The following VIRMA variants were observed in gnomAD, a reference collection of about 807,000 sequenced individuals.
VIRMA encodes the protein vir like m6A methyltransferase associated.
A neutral mutation model predicts 182.4 loss-of-function variants in VIRMA; 65 were observed. That is an observed-to-expected ratio of 0.36 (90% CI 0.29 to 0.44). The LOEUF is 0.44. Among genes scored for constraint, VIRMA ranks in the 20% least tolerant of loss-of-function variants. The pLI is 1.00. For synonymous variants in VIRMA, 709 were observed against 743.1 expected, an observed-to-expected ratio of 0.95 and a Z score of 0.75; for missense variants, 1,752 against 2,158.1, an observed-to-expected ratio of 0.81 and a Z score of 3.73.
intron 6 of VIRMA, among the ~76,000 whole-genome samples, chr8:94,529,936 G>A (rs577427464): frequency 2.0e-5 from 3 of 151,996 alleles, no homozygotes; most frequent in East Asian, 1.9e-4. Flanking sequence ...CACCACGCCC[G>A]GCCTATTTTT....
At chr8:94,551,024 G>A (rs1156506805) in intron 1 of VIRMA, among the ~76,000 whole-genome samples, 6 of 152,228 alleles carry the variant, frequency 3.9e-5, no homozygotes, top group Admixed American at 2.6e-4. Flanking sequence ...CTGGCCTAAA[G>A]TCTGTAATTC....
At chr8:94,505,369 C>A (rs1003875936) in intron 16 of VIRMA, among the ~76,000 whole-genome samples, 1 of 147,028 alleles carries the variant, frequency 6.8e-6, no homozygotes, top group Non-Finnish European at 1.5e-5. Flanking sequence ...AGCCAGGTAT[C>A]TTCCCTCTTC....
chr8:94,539,980 G>A (rs182738513), intron 2 of VIRMA, among the ~76,000 whole-genome samples: 1 of 152,198 alleles, frequency 6.6e-6, no homozygotes, highest in East Asian at 1.9e-4. Context: ...CCTTGATACT[G>A]GACTTCCCAG....
intron 7 of VIRMA, among the ~76,000 whole-genome samples, chr8:94,527,594 C>T (rs1016609741): frequency 5.9e-5 from 9 of 152,164 alleles, no homozygotes; most frequent in African/African-American, 1.7e-4. Context: ...ACTGGACAAA[C>T]ATTTTAAGCA....
chr8:94,507,691 T>C (rs970801086), intron 15 of VIRMA, among the ~76,000 whole-genome samples: 1 of 151,340 alleles, frequency 6.6e-6, no homozygotes, highest in East Asian at 2.0e-4. Flanking sequence ...GAGGCGGAGG[T>C]TGCACTGAGC....
intron 2 of VIRMA, among the ~76,000 whole-genome samples, chr8:94,538,874 A>G (rs910816955): frequency 6.6e-6 from 1 of 152,004 alleles, no homozygotes; most frequent in Non-Finnish European, 1.5e-5. Context: ...TCAGCCTCCC[A>G]AAGTGCTGGG....
At position 94,526,611 on chromosome 8, in the gene VIRMA, TCA is replaced by T. The variant is rs1329506920; in HGVS notation, c.1631_1632del (p.Val544GlufsTer17). On this transcript the variant is annotated frameshift_variant, in exon 8 of 24. Coordinates refer to ENST00000297591, the MANE Select transcript of VIRMA (RefSeq NM_015496.5). LOFTEE classifies it high-confidence loss of function. ...ATAGCTGAACCAGCAGTAACAACCCTCACAGTCTGATCTAAAAGTATGAGTTC... is the reference window on the plus strand; with the variant it reads ...ATAGCTGAACCAGCAGTAACAACCCTCAGTCTGATCTAAAAGTATGAGTTC... The part of the protein sequence containing the change: ...LLELILLDQT[V>X]RVVTAGSAIL... The T allele has an allele frequency of 1.2e-6, 2 of 1,614,174 alleles. No individual in the cohort carries two copies. The highest frequency in any genetic ancestry group is 1.7e-6 in the Non-Finnish European group (2 of 1,180,028).
At chr8:94,539,202 GTT>G (rs1815456338) in intron 2 of VIRMA, among the ~76,000 whole-genome samples, 1 of 151,672 alleles carries the variant, frequency 6.6e-6, no homozygotes, top group Non-Finnish European at 1.5e-5. Context: ...GTTTCCTTTC[GTT>G]ACCAAAAGAA....
Position 94,519,266 on chromosome 8 carries a change from C to G in VIRMA, c.2232G>C (p.Glu744Asp), listed in dbSNP as rs1319923454. 6.2e-7 allele frequency: 1 copy of G among 1,614,124 alleles called. No homozygotes were observed. Among genetic ancestry groups the G allele is most frequent in the East Asian group, 2.2e-5 (1 of 44,878 alleles). Residue 744 changes from glutamate to aspartate, a missense_variant, in exon 9 of 24, where the codon GAG becomes GAC. Coordinates refer to ENST00000297591, the MANE Select transcript of VIRMA (RefSeq NM_015496.5). ...TAACACCATCAGATTGGAGACCTTC[C>G]TCCTCATCTTGATCATAAAAGTGAC... ...ALCHFYDQDE[E>D]EGLQSDGVID...
At chr8:94,520,081 C>G (rs1814708671) in intron 8 of VIRMA, among the ~76,000 whole-genome samples, 1 of 149,996 alleles carries the variant, frequency 6.7e-6, no homozygotes, top group Admixed American at 6.7e-5. Flanking sequence ...CGTGGTGGCG[C>G]ATGTCTGTAG....
chr8:94,489,098 A>G (rs1011440654), intron 23 of VIRMA, among the ~76,000 whole-genome samples: 1 of 152,248 alleles, frequency 6.6e-6, no homozygotes, highest in African/African-American at 2.4e-5. Context: ...TGTGCATTTG[A>G]AACCAAAAGC....
At position 94,546,730 on chromosome 8, in the gene VIRMA, C is replaced by T. The variant is rs542324404; in HGVS notation, c.64-2788G>A. The T allele has an allele frequency of 8.4e-5, 29 of 344,380 alleles. 1 individual carries two copies. Among genetic ancestry groups the T allele is most frequent in the Admixed American group, 3.2e-4 (8 of 24,984 alleles). 21.3% of individuals were successfully genotyped at this position (344,380 alleles called of 1,614,324 possible). A position where few individuals can be genotyped will look rare whatever the true frequency, so the allele number is the denominator to read the frequency against. ...CACCCCCGTCCCAACCTTCCCCCTC[C>T]GAGTCCCTAAAGTCCATTGTATCAT... On this transcript the variant is annotated intron_variant, in intron 1 of 23. Transcript: ENST00000297591.
chr8:94,518,944 T>C (rs993981318), intron 9 of VIRMA, 41 bp downstream of exon 9: 4 of 1,518,358 alleles, frequency 2.6e-6, no homozygotes, highest in Non-Finnish European at 3.5e-6. Context: ...AATCTGATTT[T>C]CTAACATCAT....
chr8:94,553,236 A>G, intron 1 of VIRMA, 149 bp downstream of exon 1: 1 of 769,294 alleles, frequency 1.3e-6, no homozygotes, highest in Non-Finnish European at 2.2e-6. Flanking sequence ...CTCAGACGCG[A>G]TGCTCACACA....
intron 18 of VIRMA, 105 bp from the exon 19 acceptor site, chr8:94,495,996 T>C (rs1010747884): frequency 1.3e-5 from 12 of 956,646 alleles, no homozygotes; most frequent in South Asian, 7.4e-5. Context: ...ACTAAGAAAT[T>C]TGGAACACTG....
intron 15 of VIRMA, among the ~76,000 whole-genome samples, chr8:94,508,283 A>G (rs1010590417): frequency 2.0e-5 from 3 of 151,898 alleles, no homozygotes; most frequent in Admixed American, 1.3e-4. Flanking sequence ...ATGGGGTTTC[A>G]CCATATTGGC....
At chr8:94,528,689 T>C (rs1173361979) in intron 7 of VIRMA, among the ~76,000 whole-genome samples, 1 of 152,226 alleles carries the variant, frequency 6.6e-6, no homozygotes, top group Non-Finnish European at 1.5e-5. Context: ...TCTTTAGGAA[T>C]TCCACCTAGC....
chr8:94,551,940 C>G (rs1470793896), intron 1 of VIRMA, among the ~76,000 whole-genome samples: 1 of 152,186 alleles, frequency 6.6e-6, no homozygotes, highest in African/African-American at 2.4e-5. Flanking sequence ...AGGATGGTCT[C>G]AAACTCCTGG....
At chr8:94,537,017 C>T (rs1460709123) in intron 4 of VIRMA, 86 bp downstream of exon 4, 2 of 894,196 alleles carry the variant, frequency 2.2e-6, no homozygotes, top group Non-Finnish European at 3.7e-6. Context: ...TGACACTCTG[C>T]AACACTGATT....
Sources: allele counts gnomAD v4.1 joint callset (sites outside exome capture counted in the v4.1 genomes callset), GRCh38; gene constraint gnomAD v4.1.1; transcripts MANE v1.5; gene names NCBI Gene and HGNC (gene_info 2026-07-23, HGNC 2026-07-21).